The following SYT1 variants were observed in gnomAD, a reference collection of about 807,000 sequenced individuals.
SYT1 encodes synaptotagmin-1.
In SYT1, 8 loss-of-function variants were observed where a neutral mutation model predicts 44.8. The observed-to-expected ratio is 0.18, with a 90% CI of 0.10 to 0.32. The LOEUF is 0.32. Ranked by LOEUF, SYT1 falls within the 10% of genes least tolerant of loss-of-function variation. The pLI is 1.00. For missense variants in SYT1, 286 were observed against 509.3 expected (o/e 0.56, Z 4.22); for synonymous variants, 154 against 188.8 (o/e 0.82, Z 1.51).
At chr12:78,892,837 A>G (rs1176644086) in intron 1 of SYT1, among the ~76,000 whole-genome samples, 1 of 151,818 alleles carries the variant, frequency 6.6e-6, no homozygotes, top group African/African-American at 2.4e-5. Context: ...GAATTACACA[A>G]TATTGTTGAA....
In SYT1 at chr12:79,144,720, T is replaced by C. The variant is rs962827610; in HGVS notation, c.-17-72783T>C. 2.6e-5 allele frequency among the ~76,000 whole-genome samples: 4 copies of C among 152,222 alleles called. No homozygotes were observed. In the East Asian group the frequency reaches 7.7e-4, roughly 29 times the overall value. ...TTTAAGAGACTTATTTCCCAAGAAA[T>C]TGGCGTGGGATAAGCTTCTAATAAG... On this transcript the variant is annotated intron_variant, in intron 3 of 10. Transcript: ENST00000261205.
chr12:78,989,505 A>T (rs1432060842), intron 2 of SYT1, among the ~76,000 whole-genome samples: 1 of 152,128 alleles, frequency 6.6e-6, no homozygotes, highest in Non-Finnish European at 1.5e-5. Context: ...TTTGTGCAGC[A>T]TCTCAAGCAT....
intron 8 of SYT1, among the ~76,000 whole-genome samples, chr12:79,349,027 GAAAGAAAA>G (rs1882750813): frequency 1.2e-5 from 1 of 85,586 alleles, no homozygotes; most frequent in Non-Finnish European, 2.3e-5. Context: ...AAGAAAGAAA[GAAAGAAAA>G]AGAAAGAAAG....
At chr12:79,436,900 A>G (rs1324107347) in intron 9 of SYT1, among the ~76,000 whole-genome samples, 1 of 152,200 alleles carries the variant, frequency 6.6e-6, no homozygotes, top group African/African-American at 2.4e-5. Context: ...AGAAAGAGAC[A>G]TGTACTTTAC....
intron 4 of SYT1, among the ~76,000 whole-genome samples, chr12:79,246,002 G>A (rs1022397189): frequency 7.9e-5 from 12 of 152,018 alleles, no homozygotes; most frequent in Admixed American, 6.6e-5. Context: ...CATAGTATGA[G>A]ATAAATGTTT....
chr12:79,214,976 T>TAC (rs1874696766), intron 3 of SYT1, among the ~76,000 whole-genome samples: 2 of 136,706 alleles, frequency 1.5e-5, no homozygotes, highest in Admixed American at 7.6e-5. Context: ...TGTGTGTGTG[T>TAC]GTGTACAATT....
chr12:79,218,614 G>A (rs533546235), intron 4 of SYT1, among the ~76,000 whole-genome samples: 22 of 152,240 alleles, frequency 1.4e-4, no homozygotes, highest in African/African-American at 5.3e-4. Flanking sequence ...ACATATGAGT[G>A]AGATCATGTA....
intron 3 of SYT1, among the ~76,000 whole-genome samples, chr12:79,065,524 C>T (rs1458347932): frequency 6.6e-6 from 1 of 152,112 alleles, no homozygotes; most frequent in East Asian, 1.9e-4. Context: ...TTCTCATTTT[C>T]TTCCTCTCTA....
At chr12:79,217,191 G>T (rs1026953890) in intron 3 of SYT1, among the ~76,000 whole-genome samples, 1 of 152,092 alleles carries the variant, frequency 6.6e-6, no homozygotes, top group Admixed American at 6.6e-5. Flanking sequence ...TAAGATATGG[G>T]TTAAAAGTTA....
At chr12:78,866,843 C>T (rs1416470559) in intron 1 of SYT1, among the ~76,000 whole-genome samples, 1 of 152,108 alleles carries the variant, frequency 6.6e-6, no homozygotes, top group Non-Finnish European at 1.5e-5. Flanking sequence ...GTCTGACCTT[C>T]CACACTAATT....
At chr12:78,935,851 AAAAGGAGTAT>A (rs1349451137) in intron 1 of SYT1, among the ~76,000 whole-genome samples, 1 of 152,146 alleles carries the variant, frequency 6.6e-6, no homozygotes, top group Non-Finnish European at 1.5e-5. Flanking sequence ...AAGTCATTTG[AAAAGGAGTAT>A]ACTTATCTGT....
At chr12:79,422,835 A>G (rs1367579357) in intron 9 of SYT1, among the ~76,000 whole-genome samples, 1 of 152,078 alleles carries the variant, frequency 6.6e-6, no homozygotes, top group African/African-American at 2.4e-5. Context: ...TGCAAGGCAC[A>G]TTCTAATCTA....
At chr12:79,000,323 C>T (rs373984053) in intron 2 of SYT1, among the ~76,000 whole-genome samples, 6 of 107,714 alleles carry the variant, frequency 5.6e-5, no homozygotes, top group East Asian at 2.7e-4. Flanking sequence ...GACAGAGTTT[C>T]GCTCTAGTTG....
In SYT1 at chr12:79,064,926, G is replaced by GAGAAAGAAAGAAAGAA. The variant is rs200335076; in HGVS notation, c.-18+17622_-18+17637dup. On this transcript the variant is annotated intron_variant, in intron 3 of 10. Transcript: ENST00000261205. ...CCCACTCTTTAGACAAAAAAATAGAGAGAAAGAAAGAAAGAAAGAAAGAAA... is the reference window on the plus strand; with the variant it reads ...CCCACTCTTTAGACAAAAAAATAGAGAGAAAGAAAGAAAGAAAGAAAGAAAGAAAGAAAGAAAGAAA... 2.8e-3 allele frequency among the ~76,000 whole-genome samples: 315 copies of GAGAAAGAAAGAAAGAA among 111,526 alleles called. 4 individuals are homozygous for GAGAAAGAAAGAAAGAA. Among genetic ancestry groups the GAGAAAGAAAGAAAGAA allele is most frequent in the Middle Eastern group, 8.8e-3 (2 of 226 alleles). The allele number at this position is 111,526 out of a possible 152,430, so 73.2% of individuals were successfully genotyped here.
At chr12:79,189,235 A>G (rs1872973797) in intron 3 of SYT1, among the ~76,000 whole-genome samples, 1 of 152,142 alleles carries the variant, frequency 6.6e-6, no homozygotes, top group Non-Finnish European at 1.5e-5. Context: ...GTTTGAATTC[A>G]GATTCTATCA....
intron 9 of SYT1, among the ~76,000 whole-genome samples, chr12:79,377,019 C>T (rs1159137618): frequency 2.0e-5 from 3 of 152,176 alleles, no homozygotes; most frequent in Non-Finnish European, 4.4e-5. Context: ...TTCATTCATT[C>T]GTTCAACAAG....
intron 8 of SYT1, among the ~76,000 whole-genome samples, chr12:79,334,127 A>G (rs776256137): frequency 6.6e-6 from 1 of 152,140 alleles, no homozygotes; most frequent in Non-Finnish European, 1.5e-5. Flanking sequence ...TCTTTTTAAT[A>G]TCACTATTGC....
At chr12:78,929,623 G>T (rs921347672) in intron 1 of SYT1, among the ~76,000 whole-genome samples, 22 of 150,826 alleles carry the variant, frequency 1.5e-4, no homozygotes, top group Admixed American at 1.3e-3. Flanking sequence ...AAAGCCAAAT[G>T]ATGTAATGGA....
chr12:78,885,646 G>A (rs1052833133), intron 1 of SYT1, among the ~76,000 whole-genome samples: 4 of 151,958 alleles, frequency 2.6e-5, no homozygotes, highest in African/African-American at 9.7e-5. Flanking sequence ...GCGTCCACGT[G>A]GGCCAGGTGC....
Sources: gnomAD v4.1 joint callset for allele counts (sites outside exome capture counted in the v4.1 genomes callset) on GRCh38, gnomAD v4.1.1 for gene constraint, MANE v1.5 for transcripts, NCBI Gene and HGNC (gene_info 2026-07-23, HGNC 2026-07-21) for gene names.